INSYN2B: variants seen among roughly 807,000 people sequenced by gnomAD.
INSYN2B encodes the protein protein INSYN2B.
A neutral mutation model predicts 41.2 loss-of-function variants in INSYN2B; 16 were observed. The observed-to-expected ratio is 0.39, with a 90% confidence interval of 0.26 to 0.59. The LOEUF (loss-of-function observed/expected upper bound fraction) is 0.59, where lower values mean the gene tolerates loss of function less well. Among genes scored for constraint, INSYN2B ranks in the 20% least tolerant of loss-of-function variants. The pLI is 0.57. For missense variants in INSYN2B, 608 were observed against 646.4 expected (o/e 0.94, Z 0.64); for synonymous variants, 245 against 244.4 (o/e 1.00, Z -0.02).
At position 169,883,857 on chromosome 5, in the gene INSYN2B, C is replaced by T; in HGVS notation, c.42G>A (p.Lys14=). The change falls in exon 2 of 4, where the codon AAG becomes AAA. Residue 14 remains lysine (K), a synonymous_variant. Transcript: ENST00000377365. ...QNMKVRPVLL[K]RNSLESVEFV... ...ACTCCACTGATTCTAGACTGTTACG[C>T]TTTAGAAGCACAGGTCTCACTTTCA... 3.9e-6 allele frequency: 6 copies of T among 1,531,272 alleles called. No homozygotes were observed. The highest frequency in any genetic ancestry group is 1.4e-5 in the African/African-American group (1 of 72,518). 94.9% of individuals were successfully genotyped at this position (1,531,272 alleles called of 1,614,324 possible).
intron 1 of INSYN2B, among the ~76,000 whole-genome samples, chr5:169,900,608 G>A (rs1773869784): frequency 6.6e-6 from 1 of 152,182 alleles, no homozygotes; most frequent in South Asian, 2.1e-4. Flanking sequence ...GTAATATTAA[G>A]AGTATTGACT....
intron 3 of INSYN2B, among the ~76,000 whole-genome samples, chr5:169,870,509 A>G (rs1354914679): frequency 6.6e-6 from 1 of 152,124 alleles, no homozygotes; most frequent in Admixed American, 6.5e-5. Context: ...GAAAGAAATA[A>G]CAGAAGCCTC....
At chr5:169,967,335 G>A (rs975767340) in intron 1 of INSYN2B, among the ~76,000 whole-genome samples, 1 of 152,178 alleles carries the variant, frequency 6.6e-6, no homozygotes, top group African/African-American at 2.4e-5. Flanking sequence ...TTGTTTAAAA[G>A]GTAGGTAGAT....
intron 1 of INSYN2B, among the ~76,000 whole-genome samples, chr5:169,973,518 CAA>C (rs527951805): frequency 1.2e-4 from 18 of 152,258 alleles, no homozygotes; most frequent in African/African-American, 3.8e-4. Flanking sequence ...TCCCCATTCA[CAA>C]AGAGAGAACT....
intron 1 of INSYN2B, among the ~76,000 whole-genome samples, chr5:169,914,903 G>T (rs1774792081): frequency 6.6e-6 from 1 of 152,218 alleles, no homozygotes; most frequent in Non-Finnish European, 1.5e-5. Flanking sequence ...TTGTTGTCTG[G>T]CTTCCTGTGC....
In INSYN2B at chr5:169,864,190, G is replaced by T; in HGVS notation, c.*83C>A. On this transcript the variant is annotated 3_prime_UTR_variant, in exon 4 of 4. Coordinates refer to ENST00000377365, the MANE Select transcript of INSYN2B (RefSeq NM_001129891.3). ...CACAGCCCAGGGCCTTTGCAAAGAAGCAGGGCAGGCCTTAAGTGCAGTGGA... is the reference window on the plus strand; with the variant it reads ...CACAGCCCAGGGCCTTTGCAAAGAATCAGGGCAGGCCTTAAGTGCAGTGGA... The T allele has an allele frequency of 8.0e-7, 1 of 1,242,980 alleles. No individual in the cohort carries two copies. The highest frequency in any genetic ancestry group is 1.1e-6 in the Non-Finnish European group (1 of 871,640). The allele number at this position is 1,242,980 out of a possible 1,614,324, so 77.0% of individuals were successfully genotyped here. A position where few individuals can be genotyped will look rare whatever the true frequency, so the allele number is the denominator to read the frequency against.
chr5:169,897,050 T>C (rs1487595523), intron 1 of INSYN2B, among the ~76,000 whole-genome samples: 1 of 152,210 alleles, frequency 6.6e-6, no homozygotes, highest in Non-Finnish European at 1.5e-5. Context: ...TTTTGTAGCC[T>C]TGAACTCTAA....
intron 1 of INSYN2B, among the ~76,000 whole-genome samples, chr5:169,912,616 A>AGT (rs780723793): frequency 8.2e-6 from 1 of 122,682 alleles, no homozygotes; most frequent in Non-Finnish European, 1.7e-5. Flanking sequence ...TGTGTGGTGG[A>AGT]GTGTATGTGT....
chr5:169,964,556 G>T (rs536087225), intron 1 of INSYN2B, among the ~76,000 whole-genome samples: 40 of 152,322 alleles, frequency 2.6e-4, no homozygotes, highest in Admixed American at 1.0e-3. Flanking sequence ...CGCCTGGAGG[G>T]CTTCCTTTTG....
intron 1 of INSYN2B, among the ~76,000 whole-genome samples, chr5:169,943,386 C>T (rs367668252): frequency 1.6e-4 from 25 of 152,074 alleles, no homozygotes; most frequent in Admixed American, 5.9e-4. Flanking sequence ...CTGTGGCCCG[C>T]GGGCCATATT....
Position 169,883,477 on chromosome 5 carries a change from T to A in INSYN2B, c.422A>T (p.Gln141Leu). 2 of 1,551,680 alleles carry A rather than the reference T, an allele frequency of 1.3e-6. No individual in the cohort carries two copies. The highest frequency in any genetic ancestry group is 8.7e-7 in the Non-Finnish European group (1 of 1,146,952). The change falls in exon 2 of 4, where the codon CAG (glutamine) becomes CTG (leucine). Residue 141 changes from glutamine to leucine, a missense_variant. Transcript: ENST00000377365. ...GGCAAGGTCAGAAGACACAATGTCC[T>A]GTTCAGAGAGGTTACCGTTGACCTG... ...AIQVNGNLSE[Q>L]DIVSSDLAYL...
At chr5:169,920,059 C>T (rs1775087658) in intron 1 of INSYN2B, among the ~76,000 whole-genome samples, 1 of 152,128 alleles carries the variant, frequency 6.6e-6, no homozygotes, top group African/African-American at 2.4e-5. Flanking sequence ...CACAACACAA[C>T]TTTGTGAGAT....
At chr5:169,876,209 C>A (rs943936539) in intron 3 of INSYN2B, among the ~76,000 whole-genome samples, 2 of 152,218 alleles carry the variant, frequency 1.3e-5, no homozygotes, top group African/African-American at 4.8e-5. Context: ...CCAGACAACC[C>A]ACCCTGCTCT....
At chr5:169,889,641 A>T (rs950911450) in intron 1 of INSYN2B, among the ~76,000 whole-genome samples, 16 of 152,224 alleles carry the variant, frequency 1.1e-4, no homozygotes, top group African/African-American at 3.9e-4. Context: ...TTTTTTCTTT[A>T]AAGGGCCAGA....
intron 1 of INSYN2B, among the ~76,000 whole-genome samples, chr5:169,909,601 G>A (rs1315677332): frequency 6.6e-6 from 1 of 152,314 alleles, no homozygotes; most frequent in Admixed American, 6.5e-5. Context: ...AACAGGTTTA[G>A]TTACTTGACC....
chr5:169,891,270 T>C (rs1036815777), intron 1 of INSYN2B, among the ~76,000 whole-genome samples: 2 of 152,208 alleles, frequency 1.3e-5, no homozygotes, highest in African/African-American at 4.8e-5. Context: ...TCCGTGTCCC[T>C]CTGTGCAGCA....
chr5:169,949,219 C>G (rs116671911), intron 1 of INSYN2B, among the ~76,000 whole-genome samples: 4 of 152,174 alleles, frequency 2.6e-5, no homozygotes, highest in Non-Finnish European at 5.9e-5. Context: ...ATTTGCTGCA[C>G]GACTACTATG....
chr5:169,921,452 C>G (rs1309727882), intron 1 of INSYN2B, among the ~76,000 whole-genome samples: 1 of 152,152 alleles, frequency 6.6e-6, no homozygotes, highest in Admixed American at 6.5e-5. Flanking sequence ...AGACTGTAAT[C>G]AAGCCAAATT....
chr5:169,928,783 C>A (rs983126524), intron 1 of INSYN2B, among the ~76,000 whole-genome samples: 1 of 152,148 alleles, frequency 6.6e-6, no homozygotes, highest in Non-Finnish European at 1.5e-5. Context: ...GCAACCACAG[C>A]CCAATAATGC....
Sources: allele counts gnomAD v4.1 joint callset (sites outside exome capture counted in the v4.1 genomes callset), GRCh38; gene constraint gnomAD v4.1.1; transcripts MANE v1.5; gene names NCBI Gene and HGNC (gene_info 2026-07-23, HGNC 2026-07-21).